RASGRP1: variants seen among roughly 807,000 people sequenced by gnomAD.
RASGRP1 encodes the protein RAS guanyl-releasing protein 1.
A neutral mutation model predicts 95.1 loss-of-function variants in RASGRP1; 37 were observed. The observed-to-expected ratio is 0.39, with a 90% confidence interval of 0.30 to 0.51. The LOEUF is 0.51. Among genes scored for constraint, RASGRP1 ranks in the 20% least tolerant of loss-of-function variants. RASGRP1 has a pLI of 0.80. For missense variants in RASGRP1, 711 were observed against 965.4 expected, an observed-to-expected ratio of 0.74 and a Z score of 3.49; for synonymous variants, 325 against 353.4, an observed-to-expected ratio of 0.92 and a Z score of 0.90.
intron 15 of RASGRP1, among the ~76,000 whole-genome samples, chr15:38,497,346 T>A (rs1890834422): frequency 6.6e-6 from 1 of 152,254 alleles, no homozygotes; most frequent in Middle Eastern, 3.4e-3. Flanking sequence ...CTCTCTAGAC[T>A]GTCTCATTTT....
chr15:38,515,411 C>T (rs1891719609), intron 6 of RASGRP1, among the ~76,000 whole-genome samples: 2 of 152,166 alleles, frequency 1.3e-5, no homozygotes, highest in South Asian at 2.1e-4. Context: ...CTCAGGAAAG[C>T]ACATTAGCCA....
chr15:38,543,294 C>T (rs1219413863), intron 2 of RASGRP1, among the ~76,000 whole-genome samples: 1 of 152,030 alleles, frequency 6.6e-6, no homozygotes, highest in Non-Finnish European at 1.5e-5. Flanking sequence ...TGAGAGGATA[C>T]TCCTTTCTTC....
intron 6 of RASGRP1, 22 bp downstream of exon 6, chr15:38,516,175 C>G: frequency 6.4e-7 from 1 of 1,553,946 alleles, no homozygotes; most frequent in Non-Finnish European, 8.9e-7. Context: ...GAAGATTTTT[C>G]TCCTGCCCCT....
intron 2 of RASGRP1, among the ~76,000 whole-genome samples, chr15:38,550,710 A>G (rs948240437): frequency 1.3e-5 from 2 of 152,216 alleles, no homozygotes. Flanking sequence ...GCAAAAAGTT[A>G]TAGTGAGTTT....
chr15:38,513,005 C>CCTG (rs1393279473), intron 6 of RASGRP1, 49 bp from the exon 7 acceptor site: 1 of 1,419,528 alleles, frequency 7.0e-7, no homozygotes, highest in South Asian at 1.5e-5. Context: ...CAGTACTGTA[C>CCTG]TCTGGTATTC....
intron 2 of RASGRP1, 83 bp downstream of exon 2, chr15:38,559,738 G>A (rs1200489894): frequency 5.1e-6 from 7 of 1,377,258 alleles, no homozygotes; most frequent in Non-Finnish European, 7.0e-6. Context: ...ATACAATCTA[G>A]ATTGCTGTTC....
chr15:38,559,712 T>G, intron 2 of RASGRP1, 109 bp downstream of exon 2: 14 of 1,193,540 alleles, frequency 1.2e-5, no homozygotes, highest in Non-Finnish European at 1.6e-5. Context: ...GCTCAAAAGC[T>G]ATTTTTAAAG....
chr15:38,516,289 G>A lies in RASGRP1; in HGVS notation c.583C>T (p.Arg195Trp), dbSNP rs2141122693. The A allele has an allele frequency of 6.2e-7, 1 of 1,606,032 alleles. No individual in the cohort carries two copies. The highest frequency in any genetic ancestry group is 1.1e-5 in the South Asian group (1 of 90,900). ...QRIKSNTSKK[R>W]KVSLLFDHLE... ...TGGTCAAAGAGCAGGGAGACTTTCCGTTTCTTGCTGGTATTTGATTTTATC... is the reference window on the plus strand; with the variant it reads ...TGGTCAAAGAGCAGGGAGACTTTCCATTTCTTGCTGGTATTTGATTTTATC... Residue 195 changes from arginine to tryptophan, a missense_variant, in exon 6 of 17, where the codon CGG becomes TGG. Coordinates refer to ENST00000310803, the MANE Select transcript of RASGRP1 (RefSeq NM_005739.4).
At chr15:38,519,833 G>A (rs1361836934) in intron 3 of RASGRP1, among the ~76,000 whole-genome samples, 3 of 132,624 alleles carry the variant, frequency 2.3e-5, no homozygotes, top group South Asian at 6.2e-4. Context: ...CAGTGAATTC[G>A]AAGAGGAAAA....
chr15:38,536,520 A>G (rs573813595), intron 2 of RASGRP1, among the ~76,000 whole-genome samples: 1 of 152,336 alleles, frequency 6.6e-6, no homozygotes, highest in South Asian at 2.1e-4. Flanking sequence ...AGCAACTTGG[A>G]GAACTTCCCA....
chr15:38,499,827 C>T lies in RASGRP1; in HGVS notation c.1720+276G>A, dbSNP rs57196168. On this transcript the variant is annotated intron_variant, in intron 14 of 16. Coordinates refer to ENST00000310803, the MANE Select transcript of RASGRP1 (RefSeq NM_005739.4). ...GGGGCGGTTACCCTCATGTTGTTCTCATGATAGTGAGTGACTGCTCATGAG... is the reference window on the plus strand; with the variant it reads ...GGGGCGGTTACCCTCATGTTGTTCTTATGATAGTGAGTGACTGCTCATGAG... Among the ~76,000 whole-genome samples the T allele has an allele frequency of 4.3e-3, 655 of 152,256 alleles. 4 individuals are homozygous for T. The highest frequency in any genetic ancestry group is 0.015 in the African/African-American group (631 of 41,534).
intron 2 of RASGRP1, among the ~76,000 whole-genome samples, chr15:38,544,943 G>T (rs1330219781): frequency 2.0e-5 from 3 of 152,250 alleles, no homozygotes; most frequent in Admixed American, 6.5e-5. Flanking sequence ...GCTGTTGGTA[G>T]CAGGAAAATA....
intron 2 of RASGRP1, among the ~76,000 whole-genome samples, chr15:38,549,067 G>GT (rs561006605): frequency 3.6e-4 from 55 of 152,310 alleles, no homozygotes; most frequent in African/African-American, 1.3e-3. Context: ...ACTGAGTCCA[G>GT]GGCCAGAGGC....
In RASGRP1 at chr15:38,535,096, A is replaced by AACATTGTACAGTTGAG. The variant is rs1892591861; in HGVS notation, c.221-8693_221-8692insCTCAACTGTACAATGT. Among the ~76,000 whole-genome samples the AACATTGTACAGTTGAG allele has an allele frequency of 1.4e-4, 21 of 152,304 alleles. No homozygotes were observed. In the South Asian group the frequency reaches 4.3e-3, roughly 32 times the overall value. On this transcript the variant is annotated intron_variant, in intron 2 of 16. Transcript: ENST00000310803. ...AGCTTCACTTGTGTTGAACATTTGCATTGTACAGCAGCTCAATGCAGCAGC... is the reference window on the plus strand; with the variant it reads ...AGCTTCACTTGTGTTGAACATTTGCAACATTGTACAGTTGAGTTGTACAGCAGCTCAATGCAGCAGC...
intron 1 of RASGRP1, 90 bp from the exon 2 acceptor site, chr15:38,560,095 A>G: frequency 8.2e-7 from 1 of 1,213,772 alleles, no homozygotes; most frequent in South Asian, 1.3e-5. Context: ...AGATAAGACA[A>G]TTAATCTCAG....
At chr15:38,524,643 G>A (rs918912067) in intron 3 of RASGRP1, among the ~76,000 whole-genome samples, 2 of 152,200 alleles carry the variant, frequency 1.3e-5, no homozygotes, top group Non-Finnish European at 1.5e-5. Flanking sequence ...ACACAGTTAC[G>A]AAGTGAGGAG....
intron 2 of RASGRP1, among the ~76,000 whole-genome samples, chr15:38,534,819 C>A (rs1892579810): frequency 6.6e-6 from 1 of 152,186 alleles, no homozygotes; most frequent in African/African-American, 2.4e-5. Context: ...GAAAAGAACC[C>A]ATGCTTCCTG....
At chr15:38,504,266 A>T (rs1220133633) in intron 10 of RASGRP1, 1 of 150,716 alleles carries the variant, frequency 6.6e-6, no homozygotes, top group African/African-American at 2.4e-5. Context: ...AGTTTCTTAA[A>T]TTTTTTCTTC....
intron 13 of RASGRP1, among the ~76,000 whole-genome samples, chr15:38,500,693 C>T (rs1401527155): frequency 2.6e-5 from 4 of 152,114 alleles, no homozygotes; most frequent in African/African-American, 9.7e-5. Flanking sequence ...ATGGATGAAT[C>T]ATCGGGCAAA....
Sources: gnomAD v4.1 joint callset for allele counts (sites outside exome capture counted in the v4.1 genomes callset) on GRCh38, gnomAD v4.1.1 for gene constraint, MANE v1.5 for transcripts, NCBI Gene and HGNC (gene_info 2026-07-23, HGNC 2026-07-21) for gene names.